Variants in PRKAR1B observed in about 807,000 individuals in gnomAD.
PRKAR1B encodes the protein protein kinase cAMP-dependent type I regulatory subunit beta.
Under a neutral mutation model 46.5 loss-of-function variants are expected in PRKAR1B, and 22 were observed. The observed-to-expected ratio is 0.47, with a 90% CI of 0.34 to 0.68. PRKAR1B has a LOEUF of 0.68. PRKAR1B is among the 30% of genes least tolerant of loss of function. The pLI is 0.01. For synonymous variants in PRKAR1B, 259 were observed against 217.7 expected (o/e 1.19, Z -1.67); for missense variants, 445 against 535.6 (o/e 0.83, Z 1.67).
rs749111619 is a variant in PRKAR1B at position 584,617 on chromosome 7, T to G, written c.709-49A>C. On this transcript the variant is annotated intron_variant, in intron 7 of 10. Transcript: ENST00000537384. Reference sequence around the variant, plus strand: ...AGACAAGAAGGTGAATCTTCATACCTGGATCATCCTGACGTTTCCAGATTT... The same window carrying G: ...AGACAAGAAGGTGAATCTTCATACCGGGATCATCCTGACGTTTCCAGATTT... The G allele has an allele frequency of 2.0e-6, 3 of 1,482,754 alleles. No homozygotes were observed. In the East Asian group the frequency reaches 6.8e-5, roughly 34 times the overall value. 91.8% of individuals were successfully genotyped at this position (1,482,754 alleles called of 1,614,324 possible). A position where few individuals can be genotyped will look rare whatever the true frequency, so the allele number is the denominator to read the frequency against.
At chr7:574,644 A>G (rs1232743250) in intron 9 of PRKAR1B, among the ~76,000 whole-genome samples, 1 of 152,176 alleles carries the variant, frequency 6.6e-6, no homozygotes, top group Non-Finnish European at 1.5e-5. Context: ...GGGTTTCACC[A>G]TGTTGGCCAG....
chr7:697,526 G>A (rs1048282212), intron 2 of PRKAR1B, among the ~76,000 whole-genome samples: 1 of 152,102 alleles, frequency 6.6e-6, no homozygotes, highest in Non-Finnish European at 1.5e-5. Context: ...GGTGTTTCTG[G>A]ACCACCTCCT....
intron 1 of PRKAR1B, among the ~76,000 whole-genome samples, chr7:716,220 AC>A (rs1298437970): frequency 7.5e-6 from 1 of 133,032 alleles, no homozygotes; most frequent in African/African-American, 2.9e-5. Flanking sequence ...GTACTTAAAA[AC>A]ATTTTTTTTT....
At position 667,587 on chromosome 7, in the gene PRKAR1B, G is replaced by A. The variant is rs1226440009; in HGVS notation, c.440+9642C>T. 6.6e-6 allele frequency among the ~76,000 whole-genome samples: 1 copy of A among 152,204 alleles called. No homozygotes were observed. Among genetic ancestry groups the A allele is most frequent in the African/African-American group, 2.4e-5 (1 of 41,446 alleles). On this transcript the variant is annotated intron_variant, in intron 4 of 10. Transcript: ENST00000537384. The surrounding 1 kb of genome is among the most constrained non-coding windows in gnomAD (Gnocchi z 4.3). ...TTCACTACAGGACAGTATGGACCCC[G>A]CTCACTGGCAATGCCTAAATCACCC...
intron 7 of PRKAR1B, among the ~76,000 whole-genome samples, chr7:587,977 C>G (rs1482044439): frequency 6.6e-6 from 1 of 152,230 alleles, no homozygotes; most frequent in Non-Finnish European, 1.5e-5. Context: ...GTGTGGGGCT[C>G]AGGCCGGGTT....
intron 9 of PRKAR1B, among the ~76,000 whole-genome samples, chr7:576,465 T>C (rs1404731368): frequency 1.3e-5 from 2 of 152,192 alleles, no homozygotes; most frequent in Non-Finnish European, 2.9e-5. Flanking sequence ...TTCGTGAATG[T>C]CCGTGCAGCC....
At chr7:651,761 C>G (rs1784915146) in intron 4 of PRKAR1B, among the ~76,000 whole-genome samples, 1 of 124,828 alleles carries the variant, frequency 8.0e-6, no homozygotes, top group Admixed American at 7.5e-5. Flanking sequence ...CTGGGGAAAC[C>G]CCTCTCGGAA....
At position 631,608 on chromosome 7, in the gene PRKAR1B, G is replaced by A. The variant is rs188901299; in HGVS notation, c.441-24156C>T. 4.2e-4 allele frequency among the ~76,000 whole-genome samples: 64 copies of A among 152,284 alleles called. No homozygotes were observed. In the East Asian group the frequency reaches 7.8e-3, roughly 18 times the overall value. ...GGGGCACGGTGTGCAGGCCCACCAC[G>A]CAAACCCAGCCCACTGTCCTCCGAG... On this transcript the variant is annotated intron_variant, in intron 4 of 10. Coordinates refer to ENST00000537384, the MANE Select transcript of PRKAR1B (RefSeq NM_001164760.2).
chr7:693,675 C>T (rs1403391678), intron 2 of PRKAR1B, among the ~76,000 whole-genome samples: 2 of 152,172 alleles, frequency 1.3e-5, no homozygotes, highest in South Asian at 2.1e-4. Context: ...GTTTTCACAT[C>T]GTGGCTCCTG....
At chr7:625,962 C>T (rs1420603261) in intron 4 of PRKAR1B, among the ~76,000 whole-genome samples, 10 of 144,624 alleles carry the variant, frequency 6.9e-5, no homozygotes, top group Admixed American at 3.6e-4. Flanking sequence ...GAGCCGAGAT[C>T]GCGCCATTGC....
intron 4 of PRKAR1B, among the ~76,000 whole-genome samples, chr7:649,653 G>A (rs1372679715): frequency 6.6e-6 from 1 of 152,036 alleles, no homozygotes; most frequent in African/African-American, 2.4e-5. Context: ...CTGGGTCACT[G>A]CAGCCTCCAA....
At chr7:723,055 C>T (rs1451691413) in intron 1 of PRKAR1B, among the ~76,000 whole-genome samples, 1 of 152,142 alleles carries the variant, frequency 6.6e-6, no homozygotes, top group South Asian at 2.1e-4. Context: ...CTCCCTGGGC[C>T]GCCTGGTGTC....
intron 1 of PRKAR1B, among the ~76,000 whole-genome samples, chr7:719,315 C>G (rs956447186): frequency 3.3e-5 from 5 of 152,098 alleles, no homozygotes; most frequent in Non-Finnish European, 7.3e-5. Flanking sequence ...GCTGGGATTA[C>G]AGGCATGAGC....
At chr7:670,142 A>AGTGG (rs1786153382) in intron 4 of PRKAR1B, among the ~76,000 whole-genome samples, 1 of 151,948 alleles carries the variant, frequency 6.6e-6, no homozygotes, top group Non-Finnish European at 1.5e-5. Flanking sequence ...TGCTGGAATT[A>AGTGG]TGGACGTGAG....
At chr7:616,615 G>C (rs1782836715) in intron 4 of PRKAR1B, among the ~76,000 whole-genome samples, 1 of 152,190 alleles carries the variant, frequency 6.6e-6, no homozygotes, top group Non-Finnish European at 1.5e-5. Flanking sequence ...CTCCTCACCG[G>C]CCACCAGACC....
At chr7:552,714 G>A (rs1346731656) in intron 9 of PRKAR1B, among the ~76,000 whole-genome samples, 2 of 152,206 alleles carry the variant, frequency 1.3e-5, no homozygotes, top group African/African-American at 2.4e-5. Context: ...CGGAGGAGCC[G>A]GGAGGGGACG....
intron 9 of PRKAR1B, among the ~76,000 whole-genome samples, chr7:558,291 A>C (rs1778571797): frequency 1.4e-5 from 2 of 141,540 alleles, no homozygotes; most frequent in Non-Finnish European, 1.5e-5. Flanking sequence ...GTACCACTGC[A>C]CTCCAGCCTG....
At chr7:596,004 T>C in intron 7 of PRKAR1B, 142 bp downstream of exon 7, 1 of 1,094,326 alleles carries the variant, frequency 9.1e-7, no homozygotes, top group South Asian at 1.8e-5. Context: ...CCCTTTCCAC[T>C]CCTCTCACAG....
chr7:613,993 C>T (rs1348940940), intron 4 of PRKAR1B, among the ~76,000 whole-genome samples: 3 of 152,234 alleles, frequency 2.0e-5, no homozygotes, highest in East Asian at 1.9e-4. Context: ...CCCAAGGACT[C>T]GTCCACCACC....
Sources: allele counts gnomAD v4.1 joint callset (sites outside exome capture counted in the v4.1 genomes callset), GRCh38; gene constraint gnomAD v4.1.1; non-coding constraint Gnocchi (gnomAD v3.1); transcripts MANE v1.5; gene names NCBI Gene and HGNC (gene_info 2026-07-23, HGNC 2026-07-21).